RAD23B: variants seen among roughly 807,000 people sequenced by gnomAD.
RAD23B encodes RAD23 nucleotide excision repair protein B.
In RAD23B, 5 loss-of-function variants were observed where a neutral mutation model predicts 49.1. The observed-to-expected ratio is 0.10, with a 90% CI of 0.05 to 0.21. The LOEUF is 0.21. RAD23B is among the 10% of genes least tolerant of loss of function. The pLI, the probability that RAD23B is intolerant of heterozygous loss-of-function variation, is 1.00. For synonymous variants in RAD23B, 184 were observed against 165.4 expected (o/e 1.11, Z -0.86); for missense variants, 356 against 486.7 (o/e 0.73, Z 2.53).
At chr9:107,317,816 G>C (rs1466220043) in intron 5 of RAD23B, among the ~76,000 whole-genome samples, 1 of 152,026 alleles carries the variant, frequency 6.6e-6, no homozygotes, top group Admixed American at 6.6e-5. Flanking sequence ...GGGAGCATAG[G>C]AGTCTGTAAG....
intron 5 of RAD23B, among the ~76,000 whole-genome samples, chr9:107,313,085 A>G (rs1336972295): frequency 1.3e-5 from 2 of 152,082 alleles, no homozygotes; most frequent in Non-Finnish European, 1.5e-5. Flanking sequence ...TTGTTGCTGT[A>G]CAAATTAACC....
chr9:107,322,152 G>A (rs370407510), intron 7 of RAD23B, 34 bp downstream of exon 7: 36 of 1,542,326 alleles, frequency 2.3e-5, no homozygotes, highest in Non-Finnish European at 3.0e-5. Context: ...GGAGGGAATG[G>A]CCCTGAATTT....
At chr9:107,322,944 C>CT (rs756047134) in intron 7 of RAD23B, among the ~76,000 whole-genome samples, 11 of 152,168 alleles carry the variant, frequency 7.2e-5, no homozygotes, top group South Asian at 2.1e-4. Flanking sequence ...GACATAGTCT[C>CT]TAAGTCTCGT....
intron 1 of RAD23B, among the ~76,000 whole-genome samples, chr9:107,297,127 C>T (rs773505210): frequency 3.3e-5 from 5 of 152,012 alleles, no homozygotes; most frequent in African/African-American, 7.2e-5. Flanking sequence ...GCTGGGATTA[C>T]AGGCATGAGC....
At chr9:107,291,702 A>G (rs1175180805) in intron 1 of RAD23B, among the ~76,000 whole-genome samples, 1 of 152,204 alleles carries the variant, frequency 6.6e-6, no homozygotes. Context: ...TGCCTGTACC[A>G]GTTTCTCAAG....
At chr9:107,314,546 T>C (rs1826953502) in intron 5 of RAD23B, among the ~76,000 whole-genome samples, 1 of 152,144 alleles carries the variant, frequency 6.6e-6, no homozygotes, top group African/African-American at 2.4e-5. Flanking sequence ...TGAGTATTAT[T>C]ACACACACAC....
intron 1 of RAD23B, among the ~76,000 whole-genome samples, chr9:107,294,515 T>C (rs1051619723): frequency 6.6e-6 from 1 of 152,256 alleles, no homozygotes; most frequent in African/African-American, 2.4e-5. Context: ...TGGTGGGCCA[T>C]ATCCTTTCCA....
intron 3 of RAD23B, among the ~76,000 whole-genome samples, chr9:107,306,064 T>G (rs1050077053): frequency 3.7e-5 from 5 of 135,258 alleles, no homozygotes; most frequent in South Asian, 2.5e-4. Flanking sequence ...TATATATATA[T>G]ATATATATCT....
chr9:107,322,939 A>G (rs1827138971), intron 7 of RAD23B, among the ~76,000 whole-genome samples: 1 of 152,178 alleles, frequency 6.6e-6, no homozygotes, highest in Non-Finnish European at 1.5e-5. Context: ...TAGGTGACAT[A>G]GTCTCTAAGT....
intron 1 of RAD23B, chr9:107,284,875 G>C (rs1367462156): frequency 8.0e-7 from 1 of 1,251,618 alleles, no homozygotes; most frequent in East Asian, 5.6e-5. Flanking sequence ...CTGTATAATA[G>C]GGATAATACC....
chr9:107,304,916 T>C (rs1222670767), intron 3 of RAD23B, among the ~76,000 whole-genome samples: 1 of 152,176 alleles, frequency 6.6e-6, no homozygotes, highest in Non-Finnish European at 1.5e-5. Context: ...GCCTTACTGA[T>C]AACGTAAACA....
intron 4 of RAD23B, among the ~76,000 whole-genome samples, chr9:107,310,226 T>G (rs1317539432): frequency 6.6e-6 from 1 of 151,988 alleles, no homozygotes; most frequent in African/African-American, 2.4e-5. Flanking sequence ...CAAAAATAAA[T>G]TATAGATGGA....
chr9:107,290,445 C>T (rs1833360851), intron 1 of RAD23B, among the ~76,000 whole-genome samples: 1 of 152,206 alleles, frequency 6.6e-6, no homozygotes, highest in Non-Finnish European at 1.5e-5. Context: ...TTCCCTGCTT[C>T]TCAAGAAAAT....
intron 1 of RAD23B, among the ~76,000 whole-genome samples, chr9:107,291,456 G>A (rs7029997): frequency 0.74 from 113,215 of 152,090 alleles, 43,113 homozygotes; most frequent in African/African-American, 0.92. Context: ...CATAACCCCA[G>A]TTTGAGGATT....
At chr9:107,323,748 A>C in intron 7 of RAD23B, 142 bp from the exon 8 acceptor site, 1 of 832,168 alleles carries the variant, frequency 1.2e-6, no homozygotes, top group Non-Finnish European at 1.9e-6. Context: ...GGAAGATTTC[A>C]TCATTATTTA....
At chr9:107,285,643 A>T (rs1472308949) in intron 1 of RAD23B, among the ~76,000 whole-genome samples, 1 of 152,236 alleles carries the variant, frequency 6.6e-6, no homozygotes, top group Non-Finnish European at 1.5e-5. Flanking sequence ...AAGGAAAAGT[A>T]ATATGTTATA....
intron 6 of RAD23B, among the ~76,000 whole-genome samples, chr9:107,321,077 T>C (rs1249536798): frequency 1.3e-5 from 2 of 152,136 alleles, no homozygotes; most frequent in African/African-American, 4.8e-5. Flanking sequence ...AAAATAGGTG[T>C]CCCAAAAGAG....
At chr9:107,316,340 A>G (rs1054566144) in intron 5 of RAD23B, among the ~76,000 whole-genome samples, 2 of 152,104 alleles carry the variant, frequency 1.3e-5, no homozygotes, top group African/African-American at 4.8e-5. Context: ...TCCAAGCTGT[A>G]CCCTCCTCAT....
chr9:107,309,443 AC>A (rs1826845816), intron 4 of RAD23B, among the ~76,000 whole-genome samples: 1 of 152,238 alleles, frequency 6.6e-6, no homozygotes, highest in African/African-American at 2.4e-5. Flanking sequence ...CCCATAAACA[AC>A]ATTGTTCATT....
Sources: gnomAD v4.1 joint callset for allele counts (sites outside exome capture counted in the v4.1 genomes callset) on GRCh38, gnomAD v4.1.1 for gene constraint, MANE v1.5 for transcripts, NCBI Gene and HGNC (gene_info 2026-07-23, HGNC 2026-07-21) for gene names.